Variants in M1AP observed in about 807,000 individuals in gnomAD.
M1AP encodes the protein meiosis 1 arrest protein.
Under a neutral mutation model 51.2 loss-of-function variants are expected in M1AP, and 39 were observed. The observed-to-expected ratio is 0.76, with a 90% CI of 0.59 to 1.00. The LOEUF is 1.00. Ranked by LOEUF, M1AP falls within the 50% of genes least tolerant of loss-of-function variation. The pLI is 0.00. For synonymous variants in M1AP, 251 were observed against 249.2 expected (o/e 1.01, Z -0.07); for missense variants, 545 against 641.2 (o/e 0.85, Z 1.62).
chr2:74,590,133 C>T (rs1679954176), intron 4 of M1AP, among the ~76,000 whole-genome samples: 1 of 152,160 alleles, frequency 6.6e-6, no homozygotes, highest in African/African-American at 2.4e-5. Context: ...TCACAAAATA[C>T]CACAAACCAG....
rs1365552197 is a variant in M1AP, at chr2:74,619,048, AATTG to A, written c.241-3903_241-3900del. On this transcript the variant is annotated intron_variant, in intron 2 of 10. Transcript: ENST00000421985. ...TTCATCGGCAGGAAAAAGGTAAAGT[AATTG>A]ATTAAGGTTTTGTTGATCAGTCCAT... 6.3e-6 allele frequency: 3 copies of A among 476,140 alleles called. No homozygotes were observed. The East Asian group carries it at 1.8e-4, about 28-fold the overall frequency. The allele number at this position is 476,140 out of a possible 1,614,324, so 29.5% of individuals were successfully genotyped here.
intron 10 of M1AP, 59 bp from the exon 11 acceptor site, chr2:74,558,933 A>G: frequency 1.3e-6 from 2 of 1,496,560 alleles, no homozygotes; most frequent in Non-Finnish European, 1.8e-6. Context: ...CACCTATCCC[A>G]TTCTCTGTTG....
chr2:74,598,713 C>T (rs147247596), intron 4 of M1AP, among the ~76,000 whole-genome samples: 7 of 151,006 alleles, frequency 4.6e-5, no homozygotes, highest in Middle Eastern at 3.4e-3. Context: ...TGGCCTTGAC[C>T]GCCCGGGCTC....
chr2:74,611,469 T>C (rs1276085973), intron 3 of M1AP, among the ~76,000 whole-genome samples: 1 of 152,208 alleles, frequency 6.6e-6, no homozygotes, highest in Non-Finnish European at 1.5e-5. Flanking sequence ...GACATATAGT[T>C]CTTCAAAATA....
intron 2 of M1AP, among the ~76,000 whole-genome samples, chr2:74,625,232 T>C (rs13033252): frequency 6.6e-6 from 1 of 152,192 alleles, no homozygotes; most frequent in Non-Finnish European, 1.5e-5. Flanking sequence ...AAACTGACTG[T>C]GTATATCCAT....
Position 74,607,102 on chromosome 2 carries a change from A to G in M1AP, c.548T>C (p.Leu183Pro). The G allele has an allele frequency of 6.2e-7, 1 of 1,614,116 alleles. No homozygotes were observed. Among genetic ancestry groups the G allele is most frequent in the Non-Finnish European group, 8.5e-7 (1 of 1,179,996 alleles). ...FQVVEVTKGI[L>P]EHVDSASPVE... ...AGGAGACGCTGAGTCCACGTGCTCT[A>G]GGATTCCCTTTGTGACCTCAACGAC... Residue 183 changes from leucine (L) to proline (P), a missense_variant, in exon 4 of 11, where the codon CTA becomes CCA. Physicochemically the swap from Leu to Pro is moderately conservative, Grantham distance 98. Coordinates refer to ENST00000421985, the MANE Select transcript of M1AP (RefSeq NM_001321739.2).
chr2:74,603,213 G>C (rs1360345937), intron 4 of M1AP, among the ~76,000 whole-genome samples: 1 of 152,182 alleles, frequency 6.6e-6, no homozygotes, highest in Non-Finnish European at 1.5e-5. Context: ...ACCAAGAGTA[G>C]CCTCCATGGG....
At chr2:74,572,294 C>T (rs1302986580) in intron 7 of M1AP, among the ~76,000 whole-genome samples, 2 of 152,158 alleles carry the variant, frequency 1.3e-5, no homozygotes, top group Non-Finnish European at 2.9e-5. Flanking sequence ...TTGTAGTCAA[C>T]AGAACTAGGT....
chr2:74,615,175 A>G, intron 2 of M1AP, 26 bp from the exon 3 acceptor site: 1 of 1,603,320 alleles, frequency 6.2e-7, no homozygotes, highest in Non-Finnish European at 8.5e-7. Flanking sequence ...AATCAAAGAC[A>G]CAAGTCTTTA....
At chr2:74,564,224 C>A (rs534090081) in intron 7 of M1AP, among the ~76,000 whole-genome samples, 3 of 152,150 alleles carry the variant, frequency 2.0e-5, no homozygotes, top group Admixed American at 1.3e-4. Flanking sequence ...TTAGACCCCA[C>A]GGGACACATG....
intron 4 of M1AP, among the ~76,000 whole-genome samples, chr2:74,605,599 C>T (rs1680928129): frequency 6.6e-6 from 1 of 151,900 alleles, no homozygotes; most frequent in Non-Finnish European, 1.5e-5. Flanking sequence ...TTCATCATGA[C>T]ATGGTTTTTA....
At chr2:74,592,480 C>G (rs1235312806) in intron 4 of M1AP, among the ~76,000 whole-genome samples, 1 of 151,644 alleles carries the variant, frequency 6.6e-6, no homozygotes, top group African/African-American at 2.4e-5. Context: ...TTCCATTTTT[C>G]TCTAGTGTTT....
In M1AP at chr2:74,558,659, T is replaced by C; in HGVS notation, c.*57A>G. On this transcript the variant is annotated 3_prime_UTR_variant, in exon 11 of 11. Coordinates refer to ENST00000421985, the MANE Select transcript of M1AP (RefSeq NM_001321739.2). Reference sequence around the variant, plus strand: ...CAAGTCTGACCACAGATAGCCATTATGTGAACCTGAGCATGGATATGGTTA... The same window carrying C: ...CAAGTCTGACCACAGATAGCCATTACGTGAACCTGAGCATGGATATGGTTA... 1 of 1,594,352 alleles carries C rather than the reference T, an allele frequency of 6.3e-7. No individual in the cohort carries two copies. Among genetic ancestry groups the C allele is most frequent in the Non-Finnish European group, 8.6e-7 (1 of 1,169,416 alleles).
At chr2:74,560,354 G>C in intron 8 of M1AP, 63 bp from the exon 9 acceptor site, 1 of 1,511,130 alleles carries the variant, frequency 6.6e-7, no homozygotes, top group Non-Finnish European at 8.9e-7. Context: ...AAGATGTCAG[G>C]TAGCGATCCA....
intron 4 of M1AP, among the ~76,000 whole-genome samples, chr2:74,604,935 C>T (rs1481502314): frequency 6.6e-6 from 1 of 152,086 alleles, no homozygotes; most frequent in Non-Finnish European, 1.5e-5. Flanking sequence ...TCTGGCCAGG[C>T]ATGGTAGCTC....
At chr2:74,606,386 A>C (rs1268702071) in intron 4 of M1AP, among the ~76,000 whole-genome samples, 1 of 152,196 alleles carries the variant, frequency 6.6e-6, no homozygotes. Context: ...TAATACTAAA[A>C]TGTAATAAAC....
intron 4 of M1AP, among the ~76,000 whole-genome samples, chr2:74,599,372 T>C (rs763603625): frequency 6.6e-5 from 10 of 152,154 alleles, no homozygotes; most frequent in South Asian, 2.1e-4. Flanking sequence ...TCCTATGCTT[T>C]TTTTTTTAAA....
At chr2:74,630,902 C>T (rs1682666965) in intron 2 of M1AP, among the ~76,000 whole-genome samples, 1 of 152,174 alleles carries the variant, frequency 6.6e-6, no homozygotes, top group Non-Finnish European at 1.5e-5. Flanking sequence ...TTCTTGATCA[C>T]TCCGTACTCT....
chr2:74,621,984 G>C (rs1682076157), intron 2 of M1AP, among the ~76,000 whole-genome samples: 1 of 149,886 alleles, frequency 6.7e-6, no homozygotes, highest in Admixed American at 6.6e-5. Context: ...GCCGGGTGTG[G>C]TGGTGCACAC....
Sources: gnomAD v4.1 joint callset for allele counts (sites outside exome capture counted in the v4.1 genomes callset) on GRCh38, gnomAD v4.1.1 for gene constraint, MANE v1.5 for transcripts, NCBI Gene and HGNC (gene_info 2026-07-23, HGNC 2026-07-21) for gene names.